The following NFATC1 variants were observed in gnomAD, a reference collection of about 807,000 sequenced individuals.
The protein encoded by NFATC1 is nuclear factor of activated T cells 1.
A neutral mutation model predicts 76.0 loss-of-function variants in NFATC1; 22 were observed. That is an observed-to-expected ratio of 0.29 (90% CI 0.21 to 0.41). The LOEUF is 0.41. Ranked by LOEUF, NFATC1 falls within the 10% of genes least tolerant of loss-of-function variation. The probability of loss-of-function intolerance (pLI) is 1.00; values close to 1 mark genes in which losing one functional copy is unlikely to be tolerated. For synonymous variants in NFATC1, 704 were observed against 613.1 expected (o/e 1.15, Z -2.19); for missense variants, 1,357 against 1,337.7 (o/e 1.01, Z -0.23).
chr18:79,456,400 C>T (rs756368055), intron 6 of NFATC1, among the ~76,000 whole-genome samples: 3 of 152,226 alleles, frequency 2.0e-5, no homozygotes, highest in Non-Finnish European at 4.4e-5. Context: ...TCCGGGCTCA[C>T]CTTCAGGTTC....
At chr18:79,481,336 G>A (rs571894134) in intron 8 of NFATC1, among the ~76,000 whole-genome samples, 5 of 152,332 alleles carry the variant, frequency 3.3e-5, no homozygotes, top group Admixed American at 6.5e-5. Flanking sequence ...TCCAGACAGC[G>A]GTTAGAGCCC....
chr18:79,486,998 A>G (rs2089523024), intron 9 of NFATC1, 61 bp downstream of exon 9: 2 of 1,514,154 alleles, frequency 1.3e-6, no homozygotes, highest in Non-Finnish European at 1.8e-6. Flanking sequence ...GAGCTCATGG[A>G]GGGGCCGTGT....
intron 9 of NFATC1, among the ~76,000 whole-genome samples, chr18:79,511,911 C>T (rs992153402): frequency 1.3e-5 from 2 of 152,242 alleles, no homozygotes; most frequent in African/African-American, 4.8e-5. Context: ...GAACAGAGGG[C>T]GGCACGGGCC....
intron 9 of NFATC1, among the ~76,000 whole-genome samples, chr18:79,506,669 C>T (rs1456356150): frequency 1.3e-5 from 2 of 152,174 alleles, no homozygotes; most frequent in African/African-American, 4.8e-5. Context: ...GTGTTCATGA[C>T]AGAATTTCTC....
rs555786174 is a variant in NFATC1 at position 79,410,036 on chromosome 18, C to T, written c.128-367C>T. 1.7e-6 allele frequency: 1 copy of T among 597,864 alleles called. No homozygotes were observed. Among genetic ancestry groups the T allele is most frequent in the African/African-American group, 1.8e-5 (1 of 54,918 alleles). 37.0% of individuals were successfully genotyped at this position (597,864 alleles called of 1,614,324 possible). A position where few individuals can be genotyped will look rare whatever the true frequency, so the allele number is the denominator to read the frequency against. On this transcript the variant is annotated intron_variant, in intron 1 of 9. Transcript: ENST00000427363. The surrounding 1 kb of genome is among the most constrained non-coding windows in gnomAD (Gnocchi z 6.7). ...CCCGTGAGGACCCAGTCGCCTCTCTCTGGGAAGGACGTTCGGATGAAGATG... is the reference window on the plus strand; with the variant it reads ...CCCGTGAGGACCCAGTCGCCTCTCTTTGGGAAGGACGTTCGGATGAAGATG...
intron 9 of NFATC1, among the ~76,000 whole-genome samples, chr18:79,491,276 G>C (rs1178659609): frequency 6.6e-6 from 1 of 152,160 alleles, no homozygotes; most frequent in Non-Finnish European, 1.5e-5. Flanking sequence ...AGAATAGGAA[G>C]CACAGGGCGC....
chr18:79,425,280 TC>T (rs2086285710), intron 2 of NFATC1, among the ~76,000 whole-genome samples: 1 of 151,464 alleles, frequency 6.6e-6, no homozygotes, highest in African/African-American at 2.4e-5. Flanking sequence ...TCTCTCTCTG[TC>T]TGTCTTTCTT....
At chr18:79,473,059 C>T (rs2088851945) in intron 8 of NFATC1, among the ~76,000 whole-genome samples, 1 of 152,248 alleles carries the variant, frequency 6.6e-6, no homozygotes, top group East Asian at 1.9e-4. Flanking sequence ...ACTGATGTTT[C>T]AGCCCAGCTC....
chr18:79,448,949 G>C lies in NFATC1; in HGVS notation c.1554G>C (p.Glu518Asp). The C allele has an allele frequency of 6.2e-7, 1 of 1,613,532 alleles. No homozygotes were observed. Among genetic ancestry groups the C allele is most frequent in the South Asian group, 1.1e-5 (1 of 91,086 alleles). The change falls in exon 4 of 10, where the codon GAG becomes GAC. Residue 518 changes from glutamate to aspartate, a missense_variant. Glu to Asp is a conservative substitution (Grantham distance 45). This residue lies in a region of NFATC1 where 242 missense variants were observed against 329.2 expected (regional missense o/e 0.74). Transcript: ENST00000427363. ...TCCTCTCCAACACCAAAGTCCTGGAGATCCCACTCCTGCCGGAGAACAGCA... is the reference window on the plus strand; with the variant it reads ...TCCTCTCCAACACCAAAGTCCTGGACATCCCACTCCTGCCGGAGAACAGCA... ...EAILSNTKVLEIPLLPENSMR... is the reference protein window; with the variant it reads ...EAILSNTKVLDIPLLPENSMR...
chr18:79,520,531 T>G (rs954522772), intron 9 of NFATC1, among the ~76,000 whole-genome samples: 15 of 141,678 alleles, frequency 1.1e-4, no homozygotes, highest in East Asian at 6.4e-4. Context: ...ACTCTGTGTG[T>G]GGGGGGGGGA....
At chr18:79,501,434 T>C (rs1428301026) in intron 9 of NFATC1, among the ~76,000 whole-genome samples, 5 of 152,068 alleles carry the variant, frequency 3.3e-5, no homozygotes, top group Non-Finnish European at 5.9e-5. Context: ...GATGCAGAGG[T>C]GGCCACTTTC....
chr18:79,510,980 TGTC>T (rs1362156036), intron 9 of NFATC1, among the ~76,000 whole-genome samples: 2 of 152,114 alleles, frequency 1.3e-5, no homozygotes, highest in African/African-American at 2.4e-5. Flanking sequence ...GCGGTGGAAG[TGTC>T]GTGTTCCCAG....
At chr18:79,482,256 C>G (rs1394901895) in intron 8 of NFATC1, among the ~76,000 whole-genome samples, 18 of 98,292 alleles carry the variant, frequency 1.8e-4, no homozygotes, top group East Asian at 3.6e-4. Context: ...AGCGTGACCT[C>G]GTTCCTGGGG....
intron 9 of NFATC1, among the ~76,000 whole-genome samples, chr18:79,488,996 G>A (rs903407732): frequency 3.9e-5 from 6 of 152,212 alleles, no homozygotes; most frequent in African/African-American, 1.4e-4. Flanking sequence ...GGGCTGGGAC[G>A]TGTTCTGCGT....
At chr18:79,523,271 G>A (rs1569056650) in intron 9 of NFATC1, among the ~76,000 whole-genome samples, 1 of 152,210 alleles carries the variant, frequency 6.6e-6, no homozygotes, top group African/African-American at 2.4e-5. Context: ...CAGGCAGCAA[G>A]GGGGCAAAAT....
intron 2 of NFATC1, 90 bp from the exon 3 acceptor site, chr18:79,433,489 C>T: frequency 6.6e-7 from 1 of 1,508,494 alleles, no homozygotes; most frequent in Non-Finnish European, 9.2e-7. Context: ...GAAGTGTCCA[C>T]CCAAGATGGC....
At chr18:79,477,322 C>G (rs1037932083) in intron 8 of NFATC1, among the ~76,000 whole-genome samples, 1 of 152,222 alleles carries the variant, frequency 6.6e-6, no homozygotes, top group Non-Finnish European at 1.5e-5. Flanking sequence ...TAGTGCATCC[C>G]TGGTAGAGTA....
intron 7 of NFATC1, among the ~76,000 whole-genome samples, chr18:79,466,722 C>G (rs1359488041): frequency 6.6e-6 from 1 of 152,230 alleles, no homozygotes; most frequent in Non-Finnish European, 1.5e-5. Context: ...CCTGCCTCCT[C>G]TTCCTCAGTT....
At chr18:79,509,376 C>T (rs987649668) in intron 9 of NFATC1, among the ~76,000 whole-genome samples, 47 of 152,376 alleles carry the variant, frequency 3.1e-4, no homozygotes, top group African/African-American at 1.1e-3. Flanking sequence ...AGCCACTCCC[C>T]CAGGTCCCCC....
Sources: gnomAD v4.1 joint callset for allele counts (sites outside exome capture counted in the v4.1 genomes callset) on GRCh38, gnomAD v4.1.1 for gene constraint, gnomAD v4.1.1 regional missense constraint, Gnocchi (gnomAD v3.1) non-coding constraint, MANE v1.5 for transcripts, NCBI Gene and HGNC (gene_info 2026-07-23, HGNC 2026-07-21) for gene names.